Variants in PARM1 observed in about 807,000 individuals in gnomAD.
PARM1 encodes the protein prostate androgen-regulated mucin-like protein 1.
PARM1 carries 14 observed loss-of-function variants against 24.6 expected under a neutral mutation model. That is an observed-to-expected ratio of 0.57 (90% CI 0.38 to 0.89). The LOEUF is 0.89. PARM1 is among the 40% of genes least tolerant of loss of function. The pLI, the probability that PARM1 is intolerant of heterozygous loss-of-function variation, is 0.00. For missense variants in PARM1, 362 were observed against 380.4 expected, an observed-to-expected ratio of 0.95 and a Z score of 0.40; for synonymous variants, 179 against 156.6, an observed-to-expected ratio of 1.14 and a Z score of -1.07.
intron 2 of PARM1, 132 bp from the exon 3 acceptor site, chr4:75,033,751 G>A (rs572568114): frequency 1.7e-6 from 1 of 575,080 alleles, no homozygotes; most frequent in Non-Finnish European, 3.0e-6. Flanking sequence ...CATGCAGAAT[G>A]ATCTGAAGTA....
intron 1 of PARM1, among the ~76,000 whole-genome samples, chr4:74,941,574 T>G (rs573526859): frequency 1.6e-4 from 24 of 152,330 alleles, no homozygotes; most frequent in Middle Eastern, 3.4e-3. Context: ...TTTAGAGCAA[T>G]AAGGGATACC....
intron 1 of PARM1, among the ~76,000 whole-genome samples, chr4:75,000,226 G>A (rs1722651466): frequency 6.6e-6 from 1 of 152,142 alleles, no homozygotes; most frequent in Admixed American, 6.6e-5. Context: ...ATTAGACAGA[G>A]GTTAACATAG....
In PARM1 at chr4:74,933,272, C is replaced by A; in HGVS notation, c.-56C>A. The stretch of plus-strand genomic sequence containing the variant: ...GCTACCAGCGCCCAGTGCGCTCTGT[C>A]AGTCCGCAAACTCCTTGCCGCCCGC... On this transcript the variant is annotated 5_prime_UTR_variant, in exon 1 of 4. Transcript: ENST00000307428. 1.3e-6 allele frequency: 2 copies of A among 1,523,416 alleles called. No individual in the cohort carries two copies. Among genetic ancestry groups the A allele is most frequent in the Non-Finnish European group, 1.8e-6 (2 of 1,102,194 alleles). The allele number at this position is 1,523,416 out of a possible 1,614,324, so 94.4% of individuals were successfully genotyped here. A position where few individuals can be genotyped will look rare whatever the true frequency, so the allele number is the denominator to read the frequency against.
chr4:74,993,581 G>A (rs977256809), intron 1 of PARM1, among the ~76,000 whole-genome samples: 2 of 152,172 alleles, frequency 1.3e-5, no homozygotes, highest in Admixed American at 6.6e-5. Context: ...AAGTATATAT[G>A]AGGATCAAAA....
Position 75,008,828 on chromosome 4 carries a change from C to T in PARM1, c.44-3597C>T, listed in dbSNP as rs142671189. Among the ~76,000 whole-genome samples the T allele has an allele frequency of 3.3e-3, 505 of 152,272 alleles. 6 individuals carry two copies. Among genetic ancestry groups the T allele is most frequent in the African/African-American group, 0.011 (470 of 41,564 alleles). ...TGACTGATTTCTCATTTATCTCAGG[C>T]TTGACAAGACTCTTTGACTCGACTA... is the stretch of plus-strand genomic sequence containing the variant. On this transcript the variant is annotated intron_variant, in intron 1 of 3. Coordinates refer to ENST00000307428, the MANE Select transcript of PARM1 (RefSeq NM_015393.4).
rs914591959 is a variant in PARM1, at chr4:74,974,329, G to T, written c.44-38096G>T. On this transcript the variant is annotated intron_variant, in intron 1 of 3. Coordinates refer to ENST00000307428, the MANE Select transcript of PARM1 (RefSeq NM_015393.4). ...TTTGTCCCAGTCAAGTTGACACAAAGAATTAACCATCATGGGTCCCCAGGT... is the reference window on the plus strand; with the variant it reads ...TTTGTCCCAGTCAAGTTGACACAAATAATTAACCATCATGGGTCCCCAGGT... Among the ~76,000 whole-genome samples the T allele has an allele frequency of 7.2e-5, 11 of 152,184 alleles. 1 individual carries two copies. Among genetic ancestry groups the T allele is most frequent in the African/African-American group, 2.7e-4 (11 of 41,446 alleles).
chr4:74,979,196 T>TA (rs56717802), intron 1 of PARM1, among the ~76,000 whole-genome samples: 5,086 of 151,540 alleles, frequency 0.034, 289 homozygotes, highest in African/African-American at 0.12. Flanking sequence ...TGTTCTTTTT[T>TA]AAAAAAAATA....
chr4:75,020,958 C>T (rs1052152789), intron 2 of PARM1, among the ~76,000 whole-genome samples: 12 of 152,180 alleles, frequency 7.9e-5, no homozygotes, highest in African/African-American at 1.4e-4. Context: ...ATCTCTTCTT[C>T]GCAGCATGTG....
At chr4:75,031,098 T>G (rs1723267318) in intron 2 of PARM1, among the ~76,000 whole-genome samples, 1 of 152,194 alleles carries the variant, frequency 6.6e-6, no homozygotes, top group African/African-American at 2.4e-5. Flanking sequence ...CAGCTGCTTC[T>G]GAAAGCAGCC....
intron 3 of PARM1, among the ~76,000 whole-genome samples, chr4:75,042,481 G>C (rs1723509515): frequency 6.6e-6 from 1 of 152,158 alleles, no homozygotes; most frequent in Admixed American, 6.5e-5. Context: ...TTCATTAGCA[G>C]CACTACCATT....
At chr4:74,947,838 C>T (rs1001879443) in intron 1 of PARM1, among the ~76,000 whole-genome samples, 2 of 152,112 alleles carry the variant, frequency 1.3e-5, no homozygotes, top group Non-Finnish European at 2.9e-5. Flanking sequence ...AAAATGAGTC[C>T]TCTAGACCTC....
chr4:75,034,933 C>G (rs1442330426), intron 3 of PARM1: 1 of 152,454 alleles, frequency 6.6e-6, no homozygotes, highest in African/African-American at 2.4e-5. Context: ...TGGACCGTGC[C>G]TGCCTCCCCT....
intron 3 of PARM1, among the ~76,000 whole-genome samples, chr4:75,042,525 G>A (rs1175051706): frequency 1.3e-5 from 2 of 151,622 alleles, no homozygotes; most frequent in African/African-American, 4.8e-5. Flanking sequence ...AAATTCCTTG[G>A]GTCCCACTTT....
chr4:74,980,832 C>G (rs1345805351), intron 1 of PARM1, among the ~76,000 whole-genome samples: 1 of 152,188 alleles, frequency 6.6e-6, no homozygotes, highest in African/African-American at 2.4e-5. Flanking sequence ...CTACAACCAT[C>G]TGATCTTCAA....
At chr4:74,996,863 T>C (rs757524854) in intron 1 of PARM1, among the ~76,000 whole-genome samples, 1 of 152,234 alleles carries the variant, frequency 6.6e-6, no homozygotes, top group Non-Finnish European at 1.5e-5. Flanking sequence ...ATGGTGCTCA[T>C]ACTTGCTTAG....
rs907748196 is a variant in PARM1, at chr4:75,039,744, C to G, written c.848+5783C>G. On this transcript the variant is annotated intron_variant, in intron 3 of 3. Transcript: ENST00000307428. Reference sequence around the variant, plus strand: ...ACCCATTTCTAACACTCCAAACACACTCTCTGCTGTACAGTTTCCCAGATA... The same window carrying G: ...ACCCATTTCTAACACTCCAAACACAGTCTCTGCTGTACAGTTTCCCAGATA... 5.3e-5 allele frequency among the ~76,000 whole-genome samples: 8 copies of G among 152,282 alleles called. No individual in the cohort carries two copies. The East Asian group carries it at 1.5e-3, about 29-fold the overall frequency.
At chr4:74,967,742 C>T (rs1467943970) in intron 1 of PARM1, 1 of 152,204 alleles carries the variant, frequency 6.6e-6, no homozygotes, top group Admixed American at 6.5e-5. Context: ...AAGTCTTGTT[C>T]TGCTGTCATT....
At chr4:74,940,168 T>C (rs1721273989) in intron 1 of PARM1, among the ~76,000 whole-genome samples, 1 of 152,258 alleles carries the variant, frequency 6.6e-6, no homozygotes, top group Non-Finnish European at 1.5e-5. Flanking sequence ...TTACCTTTTA[T>C]GTTGTGATAT....
intron 2 of PARM1, among the ~76,000 whole-genome samples, chr4:75,026,382 A>G (rs899424148): frequency 1.3e-5 from 2 of 152,240 alleles, no homozygotes; most frequent in Non-Finnish European, 2.9e-5. Context: ...TCTTATATGT[A>G]TAATATGCAT....
Sources: allele counts gnomAD v4.1 joint callset (sites outside exome capture counted in the v4.1 genomes callset), GRCh38; gene constraint gnomAD v4.1.1; transcripts MANE v1.5; gene names NCBI Gene and HGNC (gene_info 2026-07-23, HGNC 2026-07-21).